ALDH2: variants seen among roughly 807,000 people sequenced by gnomAD.
ALDH2 encodes the protein aldehyde dehydrogenase 2 family member.
A neutral mutation model predicts 59.6 loss-of-function variants in ALDH2; 44 were observed. The ratio of observed to expected loss-of-function variants is 0.74; its 90% CI spans 0.58 to 0.95. The LOEUF is 0.95. Ranked by LOEUF, ALDH2 falls within the 40% of genes least tolerant of loss-of-function variation. The pLI is 0.00. For missense variants in ALDH2, 570 were observed against 696.3 expected (o/e 0.82, Z 2.04); for synonymous variants, 291 against 284.0 (o/e 1.02, Z -0.25).
chr12:111,790,601 T>C (rs759880249), intron 6 of ALDH2, 39 bp downstream of exon 6: 2 of 1,613,690 alleles, frequency 1.2e-6, no homozygotes, highest in South Asian at 2.2e-5. Flanking sequence ...TAAATGCCCT[T>C]GTTGAGGCTT....
chr12:111,797,010 A>G (rs1448857091), intron 9 of ALDH2, among the ~76,000 whole-genome samples: 1 of 146,100 alleles, frequency 6.8e-6, no homozygotes, highest in Non-Finnish European at 1.5e-5. Context: ...CCAGAGCTGG[A>G]GTGCAATAGC....
At position 111,789,863 on chromosome 12, in the gene ALDH2, A is replaced by G. The variant is rs1292082158; in HGVS notation, c.481A>G (p.Ile161Val). ...GWADKYHGKT[I>V]PIDGDFFSYT... is the part of the protein sequence containing the mutation. ...GGCTGATAAGTACCACGGGAAAACC[A>G]TCCCCATTGACGGAGACTTCTTCAG... Residue 161 changes from isoleucine to valine, a missense_variant, in exon 5 of 13, where the codon ATC becomes GTC. Transcript: ENST00000261733. 3 of 1,614,216 alleles carry G rather than the reference A, an allele frequency of 1.9e-6. No homozygotes were observed. The highest frequency in any genetic ancestry group is 1.7e-6 in the Non-Finnish European group (2 of 1,180,050).
At chr12:111,767,427 C>T (rs2068167549) in intron 1 of ALDH2, among the ~76,000 whole-genome samples, 1 of 152,236 alleles carries the variant, frequency 6.6e-6, no homozygotes, top group African/African-American at 2.4e-5. Context: ...CACCCTCACC[C>T]ACTCAGAAGA....
intron 8 of ALDH2, 54 bp from the exon 9 acceptor site, chr12:111,792,544 G>A: frequency 6.4e-7 from 1 of 1,569,538 alleles, no homozygotes; most frequent in Non-Finnish European, 8.6e-7. Context: ...GGCCACCAGG[G>A]CCAGGGTCCT....
intron 5 of ALDH2, 53 bp from the exon 6 acceptor site, chr12:111,790,381 G>C: frequency 6.2e-7 from 1 of 1,612,358 alleles, no homozygotes; most frequent in Non-Finnish European, 8.5e-7. Context: ...CTGCTACCCA[G>C]TGTAGTTCTC....
At chr12:111,800,484 G>A (rs1462553461) in intron 11 of ALDH2, among the ~76,000 whole-genome samples, 1 of 152,074 alleles carries the variant, frequency 6.6e-6, no homozygotes, top group Non-Finnish European at 1.5e-5. Context: ...GTGCTGTGGG[G>A]TGCGATTATA....
chr12:111,770,018 C>T (rs1264039381), intron 1 of ALDH2, among the ~76,000 whole-genome samples: 1 of 152,046 alleles, frequency 6.6e-6, no homozygotes. Context: ...GTGGCGCGCA[C>T]CTGTAATCCC....
chr12:111,789,997 A>G lies in ALDH2; in HGVS notation c.552+63A>G. The stretch of plus-strand genomic sequence containing the variant: ...TGAGATTTGGCAGTCTGCCAGACTC[A>G]TTGCAGAGGTTCTGGGGTGGTGTCG... On this transcript the variant is annotated intron_variant, in intron 5 of 12. Coordinates refer to ENST00000261733, the MANE Select transcript of ALDH2 (RefSeq NM_000690.4). 1.5e-5 allele frequency: 23 copies of G among 1,505,092 alleles called. No individual in the cohort carries two copies. The South Asian group carries it at 2.5e-4, about 16-fold the overall frequency. 93.2% of individuals were successfully genotyped at this position (1,505,092 alleles called of 1,614,324 possible). A position where few individuals can be genotyped will look rare whatever the true frequency, so the allele number is the denominator to read the frequency against.
chr12:111,775,912 T>C (rs2068231534), intron 1 of ALDH2, among the ~76,000 whole-genome samples: 1 of 152,152 alleles, frequency 6.6e-6, no homozygotes, highest in Non-Finnish European at 1.5e-5. Flanking sequence ...AGAAGGGAAA[T>C]GGGAAATGTA....
intron 9 of ALDH2, 88 bp downstream of exon 9, chr12:111,792,870 G>C (rs1307324332): frequency 7.9e-6 from 11 of 1,394,544 alleles, no homozygotes; most frequent in African/African-American, 4.3e-5. Flanking sequence ...TTGGGACTGG[G>C]TTCAGGTCTC....
At chr12:111,793,354 G>A (rs2068377666) in intron 9 of ALDH2, among the ~76,000 whole-genome samples, 1 of 151,978 alleles carries the variant, frequency 6.6e-6, no homozygotes, top group African/African-American at 2.4e-5. Flanking sequence ...CAAAGTGCTG[G>A]GATTACAGAC....
chr12:111,789,424 C>T (rs527638294), intron 4 of ALDH2, among the ~76,000 whole-genome samples: 5 of 148,112 alleles, frequency 3.4e-5, no homozygotes, highest in Admixed American at 6.9e-5. Flanking sequence ...CCTGGGGGGC[C>T]GAGGTTGCAG....
chr12:111,766,989 C>G lies in ALDH2; in HGVS notation c.7C>G (p.Arg3Gly). Reference protein sequence around the residue: MLRAAARFGPRLG... With the variant: MLGAAARFGPRLG... ...TGTCCGCTAGCCCGCTGCGATGTTG[C>G]GCGCTGCCGCCCGCTTCGGGCCCCG... Residue 3 changes from arginine to glycine, a missense_variant, in exon 1 of 13, where the codon CGC becomes GGC. Physicochemically the swap from Arg to Gly is moderately radical, Grantham distance 125. Coordinates refer to ENST00000261733, the MANE Select transcript of ALDH2 (RefSeq NM_000690.4). 6.6e-7 allele frequency: 1 copy of G among 1,521,718 alleles called. No individual in the cohort carries two copies. Among genetic ancestry groups the G allele is most frequent in the Non-Finnish European group, 8.8e-7 (1 of 1,141,264 alleles). 94.3% of individuals were successfully genotyped at this position (1,521,718 alleles called of 1,614,324 possible).
In ALDH2 at chr12:111,810,249, A is replaced by G. The variant is rs540045227; in HGVS notation, c.*674A>G. ...AACCTGGGAGGTGGAGGTTGCAGTG[A>G]GTGGAGATCATGCCACTGCACTCCA... On this transcript the variant is annotated 3_prime_UTR_variant, in exon 13 of 13. Coordinates refer to ENST00000261733, the MANE Select transcript of ALDH2 (RefSeq NM_000690.4). 1 of 153,002 alleles carries G rather than the reference A, an allele frequency of 6.5e-6. No individual in the cohort carries two copies. The highest frequency in any genetic ancestry group is 1.9e-4 in the East Asian group (1 of 5,234). The allele number at this position is 153,002 out of a possible 1,614,324, so 9.5% of individuals were successfully genotyped here.
At chr12:111,798,982 C>A (rs1206638535) in intron 10 of ALDH2, among the ~76,000 whole-genome samples, 1 of 151,766 alleles carries the variant, frequency 6.6e-6, no homozygotes, top group Non-Finnish European at 1.5e-5. Flanking sequence ...GCACTCCAGC[C>A]TAGGCAACAG....
At position 111,766,940 on chromosome 12, in the gene ALDH2, T is replaced by C. The variant is rs2136003866; in HGVS notation, c.-43T>C. ...GGTCGGCTCAGTGGCCCTGAGACCC[T>C]AGCTCTGCTCTCGGTCCGCTCGCTG... is the stretch of plus-strand genomic sequence containing the variant. On this transcript the variant is annotated 5_prime_UTR_variant, in exon 1 of 13. Coordinates refer to ENST00000261733, the MANE Select transcript of ALDH2 (RefSeq NM_000690.4). 1 of 1,491,782 alleles carries C rather than the reference T, an allele frequency of 6.7e-7. No homozygotes were observed. The highest frequency in any genetic ancestry group is 8.9e-7 in the Non-Finnish European group (1 of 1,120,384). 92.4% of individuals were successfully genotyped at this position (1,491,782 alleles called of 1,614,324 possible). A position where few individuals can be genotyped will look rare whatever the true frequency, so the allele number is the denominator to read the frequency against.
At chr12:111,776,121 G>A (rs1378234502) in intron 1 of ALDH2, among the ~76,000 whole-genome samples, 1 of 152,198 alleles carries the variant, frequency 6.6e-6, no homozygotes, top group Non-Finnish European at 1.5e-5. Context: ...GCCCAGCGAG[G>A]AAGGGGTGGG....
chr12:111,776,441 G>C (rs983570928), intron 1 of ALDH2, among the ~76,000 whole-genome samples: 1 of 152,020 alleles, frequency 6.6e-6, no homozygotes, highest in African/African-American at 2.4e-5. Flanking sequence ...TTTGCCCAGG[G>C]TCAAATCTGT....
At chr12:111,771,498 C>T (rs1426656304) in intron 1 of ALDH2, among the ~76,000 whole-genome samples, 1 of 152,200 alleles carries the variant, frequency 6.6e-6, no homozygotes, top group East Asian at 1.9e-4. Flanking sequence ...ACCTATGTTA[C>T]AGTTATAGGA....
Sources: allele counts gnomAD v4.1 joint callset (sites outside exome capture counted in the v4.1 genomes callset), GRCh38; gene constraint gnomAD v4.1.1; transcripts MANE v1.5; gene names NCBI Gene and HGNC (gene_info 2026-07-23, HGNC 2026-07-21).